SYT16: variants seen among roughly 807,000 people sequenced by gnomAD.
SYT16 encodes synaptotagmin-16.
Under a neutral mutation model 61.4 loss-of-function variants are expected in SYT16, and 42 were observed. The ratio of observed to expected loss-of-function variants is 0.68; its 90% confidence interval spans 0.53 to 0.89. The LOEUF (loss-of-function observed/expected upper bound fraction) is 0.89. Ranked by LOEUF, SYT16 falls within the 40% of genes least tolerant of loss-of-function variation. The probability of loss-of-function intolerance (pLI) is 0.00; values close to 1 mark genes in which losing one functional copy is unlikely to be tolerated. For synonymous variants in SYT16, 314 were observed against 302.3 expected (o/e 1.04, Z -0.40); for missense variants, 804 against 807.3 (o/e 1.00, Z 0.05).
At chr14:62,003,181 G>A (rs929856108) in intron 3 of SYT16, among the ~76,000 whole-genome samples, 1 of 152,052 alleles carries the variant, frequency 6.6e-6, no homozygotes, top group African/African-American at 2.4e-5. Context: ...GGAAATTCAA[G>A]AGCAGAATCT....
chr14:61,937,100 G>T (rs544359702), intron 1 of SYT16, among the ~76,000 whole-genome samples: 1 of 152,364 alleles, frequency 6.6e-6, no homozygotes, highest in South Asian at 2.1e-4. Flanking sequence ...GGGCTGGCTG[G>T]AGCAGGGATT....
intron 1 of SYT16, among the ~76,000 whole-genome samples, chr14:61,819,916 A>C (rs1452370878): frequency 6.6e-6 from 1 of 152,220 alleles, no homozygotes; most frequent in East Asian, 1.9e-4. Context: ...TGCTGGCACA[A>C]CATATGCATT....
chr14:62,034,882 A>T (rs2054447505), intron 3 of SYT16, among the ~76,000 whole-genome samples: 2 of 152,080 alleles, frequency 1.3e-5, no homozygotes, highest in Non-Finnish European at 2.9e-5. Context: ...GCTGTTTTTT[A>T]AAAAAGGCTT....
At chr14:61,905,772 TTTTG>T (rs375242574) in intron 1 of SYT16, among the ~76,000 whole-genome samples, 5,160 of 149,852 alleles carry the variant, frequency 0.034, 117 homozygotes, top group Middle Eastern at 0.07. Context: ...TTTTTTTTTT[TTTTG>T]GGGATAAATC....
At chr14:61,925,890 G>A (rs1395673348) in intron 1 of SYT16, among the ~76,000 whole-genome samples, 1 of 152,206 alleles carries the variant, frequency 6.6e-6, no homozygotes, top group Admixed American at 6.5e-5. Context: ...GAATGTAAAA[G>A]CCAAAGGAAA....
chr14:62,046,079 G>A (rs2054967593), intron 3 of SYT16, among the ~76,000 whole-genome samples: 1 of 152,150 alleles, frequency 6.6e-6, no homozygotes, highest in South Asian at 2.1e-4. Flanking sequence ...CAGTGTAAAA[G>A]TGTTCCTATT....
At chr14:62,026,063 T>A (rs1317732544) in intron 3 of SYT16, among the ~76,000 whole-genome samples, 2 of 152,172 alleles carry the variant, frequency 1.3e-5, no homozygotes, top group Non-Finnish European at 1.5e-5. Context: ...AGCTTTTCTT[T>A]TATATGCCTT....
chr14:61,986,853 G>A (rs1436231029), intron 2 of SYT16, among the ~76,000 whole-genome samples: 1 of 152,174 alleles, frequency 6.6e-6, no homozygotes, highest in Non-Finnish European at 1.5e-5. Flanking sequence ...TATATGTGGA[G>A]CTGTGTATTC....
chr14:61,844,274 G>GT (rs377686048), intron 1 of SYT16, among the ~76,000 whole-genome samples: 29 of 151,218 alleles, frequency 1.9e-4, no homozygotes, highest in African/African-American at 4.8e-4. Flanking sequence ...AGTTCTAATA[G>GT]TTTTTTTTTG....
chr14:62,060,701 C>A (rs929951338), intron 3 of SYT16, among the ~76,000 whole-genome samples: 3 of 151,772 alleles, frequency 2.0e-5, no homozygotes, highest in African/African-American at 7.3e-5. Flanking sequence ...CCTTTAAATA[C>A]ATTATTGGAT....
intron 3 of SYT16, among the ~76,000 whole-genome samples, chr14:62,012,567 T>C (rs984600343): frequency 6.6e-6 from 1 of 152,180 alleles, no homozygotes; most frequent in African/African-American, 2.4e-5. Flanking sequence ...ACCAAAGGCA[T>C]GGACACTAGA....
intron 1 of SYT16, among the ~76,000 whole-genome samples, chr14:61,939,663 C>T (rs1264960621): frequency 6.6e-6 from 1 of 152,152 alleles, no homozygotes; most frequent in Non-Finnish European, 1.5e-5. Flanking sequence ...TTTATCTTCT[C>T]TCTAAAGACC....
At chr14:62,017,873 C>T (rs1320363947) in intron 3 of SYT16, among the ~76,000 whole-genome samples, 1 of 152,096 alleles carries the variant, frequency 6.6e-6, no homozygotes, top group African/African-American at 2.4e-5. Flanking sequence ...ACCATGACAC[C>T]TGGCTAATTT....
Position 62,100,431 on chromosome 14 carries a change from TCAAGAGATGTC to T in SYT16, c.1664_1674del (p.Gln555ProfsTer16). On this transcript the variant is annotated frameshift_variant, in exon 8 of 8. Coordinates refer to ENST00000683842, the MANE Select transcript of SYT16 (RefSeq NM_001367656.1). LOFTEE classifies it high-confidence loss of function. ...AACTCTTTCTCCTCAATTCTGTGGGTCAAGAGATGTCCCGTTGCAAGACGTCCATTCGGCGT... is the reference window on the plus strand; with the variant it reads ...AACTCTTTCTCCTCAATTCTGTGGGTCCGTTGCAAGACGTCCATTCGGCGT... 1 of 1,612,694 alleles carries T rather than the reference TCAAGAGATGTC, an allele frequency of 6.2e-7. No homozygotes were observed. Among genetic ancestry groups the T allele is most frequent in the Non-Finnish European group, 8.5e-7 (1 of 1,179,326 alleles).
intron 1 of SYT16, among the ~76,000 whole-genome samples, chr14:61,960,170 C>T (rs1318972307): frequency 6.6e-6 from 1 of 152,004 alleles, no homozygotes; most frequent in Non-Finnish European, 1.5e-5. Flanking sequence ...CTTAGGATTG[C>T]CTTCTTCATT....
Position 61,891,544 on chromosome 14 carries a change from A to G in SYT16, c.-324-78588A>G, listed in dbSNP as rs540855863. On this transcript the variant is annotated intron_variant, in intron 1 of 7. Coordinates refer to ENST00000683842, the MANE Select transcript of SYT16 (RefSeq NM_001367656.1). ...CCGCTGCAGCACTGAGAGGACAAGT[A>G]GGGCTGGAGGGACCAACAGCTGGGA... Among the ~76,000 whole-genome samples, 7 of 152,326 alleles carry G rather than the reference A, an allele frequency of 4.6e-5. No individual in the cohort carries two copies. The East Asian group carries it at 1.4e-3, about 29-fold the overall frequency.
intron 1 of SYT16, among the ~76,000 whole-genome samples, chr14:61,837,827 G>A (rs911880970): frequency 7.2e-5 from 11 of 152,114 alleles, no homozygotes; most frequent in Non-Finnish European, 1.3e-4. Flanking sequence ...CTCAGATGTC[G>A]GCTTCCTTCC....
intron 3 of SYT16, among the ~76,000 whole-genome samples, chr14:62,033,922 A>G (rs2054403419): frequency 6.6e-6 from 1 of 152,136 alleles, no homozygotes; most frequent in African/African-American, 2.4e-5. Context: ...TGAAAAGACA[A>G]CCTAAAGAAT....
chr14:62,078,284 G>T (rs1277775324), intron 5 of SYT16, among the ~76,000 whole-genome samples: 1 of 151,988 alleles, frequency 6.6e-6, no homozygotes, highest in African/African-American at 2.4e-5. Flanking sequence ...TTGAAATTTT[G>T]AGTATTGGAT....
Sources: allele counts gnomAD v4.1 joint callset (sites outside exome capture counted in the v4.1 genomes callset), GRCh38; gene constraint gnomAD v4.1.1; transcripts MANE v1.5; gene names NCBI Gene and HGNC (gene_info 2026-07-23, HGNC 2026-07-21).